ARHGAP15: variants seen among roughly 807,000 people sequenced by gnomAD.
ARHGAP15 encodes the protein rho GTPase-activating protein 15.
A neutral mutation model predicts 63.7 loss-of-function variants in ARHGAP15; 51 were observed. The ratio of observed to expected loss-of-function variants is 0.80; its 90% CI spans 0.64 to 1.01. ARHGAP15 has a LOEUF of 1.01. ARHGAP15 is among the 50% of genes least tolerant of loss of function. The pLI is 0.00. For synonymous variants in ARHGAP15, 191 were observed against 193.8 expected (o/e 0.99, Z 0.12); for missense variants, 560 against 564.6 (o/e 0.99, Z 0.08).
rs149599955 is a variant in ARHGAP15, at chr2:143,258,583, C to G, written c.474+7983C>G. ...AAACACTGCAGGGCAGTTAAGGATT[C>G]TTGGTATTTGAAGAGGGGAGGAGGC... On this transcript the variant is annotated intron_variant, in intron 6 of 13. Transcript: ENST00000295095. 2.4e-3 allele frequency among the ~76,000 whole-genome samples: 364 copies of G among 152,178 alleles called. 1 individual carries two copies. Among genetic ancestry groups the G allele is most frequent in the African/African-American group, 8.5e-3 (353 of 41,558 alleles).
chr2:143,477,395 A>G (rs1381715776), intron 8 of ARHGAP15, among the ~76,000 whole-genome samples: 1 of 134,488 alleles, frequency 7.4e-6, no homozygotes, highest in Non-Finnish European at 1.7e-5. Context: ...CAGGATGCCT[A>G]TCATATTTTA....
rs190985949 is a variant in ARHGAP15, at chr2:143,469,296, C to T, written c.704-18077C>T. Among the ~76,000 whole-genome samples, 130 of 152,220 alleles carry T rather than the reference C, an allele frequency of 8.5e-4. 1 individual carries two copies. The highest frequency in any genetic ancestry group is 3.1e-3 in the African/African-American group (128 of 41,530). On this transcript the variant is annotated intron_variant, in intron 8 of 13. Coordinates refer to ENST00000295095, the MANE Select transcript of ARHGAP15 (RefSeq NM_018460.4). ...CAGGTAGCATGCTAGAATAAAGCAG[C>T]GCTTGAAAATGGGCATACTAAAATT... is the stretch of plus-strand genomic sequence containing the variant.
chr2:143,539,318 T>C (rs1156280208), intron 10 of ARHGAP15, among the ~76,000 whole-genome samples: 1 of 150,642 alleles, frequency 6.6e-6, no homozygotes, highest in African/African-American at 2.5e-5. Flanking sequence ...TGTTGATCTT[T>C]TCAAAAAACC....
intron 11 of ARHGAP15, among the ~76,000 whole-genome samples, chr2:143,621,913 T>C (rs1698660002): frequency 6.6e-6 from 1 of 152,322 alleles, no homozygotes; most frequent in Non-Finnish European, 1.5e-5. Context: ...TTTTACCTGC[T>C]GAACACTTTC....
At chr2:143,600,557 C>T (rs530343663) in intron 11 of ARHGAP15, among the ~76,000 whole-genome samples, 1 of 152,294 alleles carries the variant, frequency 6.6e-6, no homozygotes, top group East Asian at 1.9e-4. Flanking sequence ...TTATTAAACA[C>T]CTACTTCTAC....
At chr2:143,696,596 A>G (rs1460130159) in intron 12 of ARHGAP15, among the ~76,000 whole-genome samples, 3 of 152,146 alleles carry the variant, frequency 2.0e-5, no homozygotes, top group Non-Finnish European at 4.4e-5. Flanking sequence ...AGCTTCCCTC[A>G]TTTAACAAAT....
At chr2:143,304,704 A>G (rs1483086092) in intron 6 of ARHGAP15, among the ~76,000 whole-genome samples, 1 of 152,166 alleles carries the variant, frequency 6.6e-6, no homozygotes, top group Non-Finnish European at 1.5e-5. Flanking sequence ...ATTTAAAAAT[A>G]AAAATACATT....
At chr2:143,166,125 T>A (rs544111971) in intron 2 of ARHGAP15, among the ~76,000 whole-genome samples, 1 of 152,208 alleles carries the variant, frequency 6.6e-6, no homozygotes, top group South Asian at 2.1e-4. Context: ...TTTAGACAGG[T>A]TATTCATGTG....
At chr2:143,489,212 G>A (rs1384279515) in intron 9 of ARHGAP15, among the ~76,000 whole-genome samples, 2 of 152,232 alleles carry the variant, frequency 1.3e-5, no homozygotes, top group Non-Finnish European at 2.9e-5. Flanking sequence ...AATTACTACA[G>A]TGCTCTAGAA....
chr2:143,765,102 C>A (rs1268420729), intron 13 of ARHGAP15, among the ~76,000 whole-genome samples: 1 of 131,964 alleles, frequency 7.6e-6, no homozygotes, highest in Non-Finnish European at 1.6e-5. Context: ...ATATTTGCCT[C>A]TAAAATATGT....
intron 9 of ARHGAP15, among the ~76,000 whole-genome samples, chr2:143,494,403 T>C (rs954850146): frequency 1.3e-5 from 2 of 152,198 alleles, no homozygotes; most frequent in Non-Finnish European, 2.9e-5. Context: ...AAAAACTGTG[T>C]TGACCACTCT....
chr2:143,378,396 A>G (rs776312370), intron 6 of ARHGAP15, among the ~76,000 whole-genome samples: 4 of 152,062 alleles, frequency 2.6e-5, no homozygotes, highest in Non-Finnish European at 2.9e-5. Context: ...TTATGTATCC[A>G]TGTTACCTCT....
chr2:143,413,739 G>C (rs1688542573), intron 6 of ARHGAP15, among the ~76,000 whole-genome samples: 1 of 152,068 alleles, frequency 6.6e-6, no homozygotes, highest in Non-Finnish European at 1.5e-5. Context: ...CTCCCAAAGT[G>C]TTGGTATTAC....
At chr2:143,658,283 G>C (rs1446073106) in intron 12 of ARHGAP15, among the ~76,000 whole-genome samples, 1 of 152,190 alleles carries the variant, frequency 6.6e-6, no homozygotes, top group East Asian at 1.9e-4. Context: ...GTGAAGACTA[G>C]AGTTCATAGA....
At chr2:143,752,361 A>T (rs1686412380) in intron 13 of ARHGAP15, among the ~76,000 whole-genome samples, 1 of 152,218 alleles carries the variant, frequency 6.6e-6, no homozygotes, top group Non-Finnish European at 1.5e-5. Context: ...GTTACTATCC[A>T]CAACCTCCCA....
intron 6 of ARHGAP15, among the ~76,000 whole-genome samples, chr2:143,425,236 G>A (rs1465976413): frequency 6.6e-6 from 1 of 151,958 alleles, no homozygotes; most frequent in Non-Finnish European, 1.5e-5. Context: ...TAGGTGGGTG[G>A]CCTGTTGCTC....
intron 1 of ARHGAP15, among the ~76,000 whole-genome samples, chr2:143,143,997 A>G (rs774260802): frequency 7.9e-5 from 12 of 152,064 alleles, no homozygotes; most frequent in Non-Finnish European, 1.8e-4. Flanking sequence ...GCTCCCACTT[A>G]TAAGTGAGAA....
intron 8 of ARHGAP15, among the ~76,000 whole-genome samples, chr2:143,465,845 C>CT (rs535783034): frequency 6.6e-6 from 1 of 151,974 alleles, no homozygotes; most frequent in South Asian, 2.1e-4. Context: ...AGGTATGACA[C>CT]TTTTTGCAAT....
chr2:143,532,519 T>C (rs932267276), intron 10 of ARHGAP15, among the ~76,000 whole-genome samples: 7 of 152,148 alleles, frequency 4.6e-5, no homozygotes, highest in Non-Finnish European at 1.0e-4. Flanking sequence ...TTCTTCTTAC[T>C]AGGTAAACTA....
Sources: allele counts gnomAD v4.1 joint callset (sites outside exome capture counted in the v4.1 genomes callset), GRCh38; gene constraint gnomAD v4.1.1; transcripts MANE v1.5; gene names NCBI Gene and HGNC (gene_info 2026-07-23, HGNC 2026-07-21).